Variants in ZC3H6 observed in about 807,000 individuals in gnomAD.
ZC3H6 encodes zinc finger CCCH-type containing 6, also known as zinc finger CCCH domain-containing protein 6.
ZC3H6 carries 40 observed loss-of-function variants against 107.7 expected under a neutral mutation model. The observed-to-expected ratio is 0.37, with a 90% CI of 0.29 to 0.48. The LOEUF (loss-of-function observed/expected upper bound fraction) is 0.48. Among genes scored for constraint, ZC3H6 ranks in the 20% least tolerant of loss-of-function variants. ZC3H6 has a pLI of 0.98. For synonymous variants in ZC3H6, 493 were observed against 487.9 expected, an observed-to-expected ratio of 1.01 and a Z score of -0.14; for missense variants, 1,267 against 1,410.4, an observed-to-expected ratio of 0.90 and a Z score of 1.63.
In ZC3H6 at chr2:112,310,106, G is replaced by T. The variant is rs1427270255; in HGVS notation, c.558G>T (p.Gly186=). 1 of 1,613,334 alleles carries T rather than the reference G, an allele frequency of 6.2e-7. No individual in the cohort carries two copies. The highest frequency in any genetic ancestry group is 8.5e-7 in the Non-Finnish European group (1 of 1,179,614). ...QAKETSNIAL[G]SSFSKESGKK... Reference sequence around the variant, plus strand: ...AAGAAACCTCAAATATTGCTTTAGGGTCATCATTTTCTAAAGAATCAGGAA... The same window carrying T: ...AAGAAACCTCAAATATTGCTTTAGGTTCATCATTTTCTAAAGAATCAGGAA... The change falls in exon 4 of 12, where the codon GGG becomes GGT. Residue 186 remains glycine (G), a synonymous_variant. Transcript: ENST00000409871.
chr2:112,308,817 G>A (rs1449756869), intron 3 of ZC3H6, among the ~76,000 whole-genome samples: 2 of 151,236 alleles, frequency 1.3e-5, no homozygotes, highest in Non-Finnish European at 3.0e-5. Flanking sequence ...ACTTTGGGAG[G>A]CTGAGGCAGG....
rs948566636 is a variant in ZC3H6 at position 112,324,782 on chromosome 2, A to G, written c.1852+119A>G. Reference sequence around the variant, plus strand: ...GCTGAGTAAAATTGATAAGATTGAAACCTTAAAATGTTTTCAGTTTGCCAA... The same window carrying G: ...GCTGAGTAAAATTGATAAGATTGAAGCCTTAAAATGTTTTCAGTTTGCCAA... On this transcript the variant is annotated intron_variant, in intron 10 of 11. Transcript: ENST00000409871. 1.4e-5 allele frequency: 17 copies of G among 1,208,860 alleles called. No homozygotes were observed. In the African/African-American group the frequency reaches 2.5e-4, roughly 18 times the overall value. The allele number at this position is 1,208,860 out of a possible 1,614,324, so 74.9% of individuals were successfully genotyped here.
At chr2:112,301,409 A>G (rs1676369337) in intron 2 of ZC3H6, among the ~76,000 whole-genome samples, 1 of 152,212 alleles carries the variant, frequency 6.6e-6, no homozygotes, top group Admixed American at 6.5e-5. Context: ...CAAATGGGGG[A>G]AGGAAGCAGA....
chr2:112,317,516 T>C (rs1676721862), intron 7 of ZC3H6, among the ~76,000 whole-genome samples, 184 bp downstream of exon 7: 1 of 152,190 alleles, frequency 6.6e-6, no homozygotes, highest in Non-Finnish European at 1.5e-5. Flanking sequence ...CTTTATTCTT[T>C]AGGGAAATGA....
At chr2:112,326,069 T>C (rs1320099313) in intron 11 of ZC3H6, among the ~76,000 whole-genome samples, 1 of 152,008 alleles carries the variant, frequency 6.6e-6, no homozygotes, top group Non-Finnish European at 1.5e-5. Flanking sequence ...TTATAATTTT[T>C]AAATTATTTT....
chr2:112,299,817 GAT>G, intron 1 of ZC3H6, 30 bp from the exon 2 acceptor site: 1 of 1,325,590 alleles, frequency 7.5e-7, no homozygotes, highest in African/African-American at 1.5e-5. Flanking sequence ...GTTTTAGAAT[GAT>G]ATTTGAAAAT....
intron 11 of ZC3H6, among the ~76,000 whole-genome samples, chr2:112,327,342 A>G (rs1024249102): frequency 1.3e-5 from 2 of 152,102 alleles, no homozygotes; most frequent in African/African-American, 4.8e-5. Flanking sequence ...GTCTATTCAG[A>G]TATTTCGCCC....
At position 112,321,785 on chromosome 2, in the gene ZC3H6, G is replaced by A; in HGVS notation, c.1006G>A (p.Gly336Arg). 1 of 1,541,096 alleles carries A rather than the reference G, an allele frequency of 6.5e-7. No individual in the cohort carries two copies. The highest frequency in any genetic ancestry group is 8.8e-7 in the Non-Finnish European group (1 of 1,142,280). The change falls in exon 8 of 12, where the codon GGA becomes AGA. Residue 336 changes from glycine (G) to arginine (R), a missense_variant. By Grantham distance (125) the Gly-to-Arg change is moderately radical (BLOSUM62 -2). This residue lies in a region of ZC3H6 where 925 missense variants were observed against 1,025.7 expected (regional missense o/e 0.90). Coordinates refer to ENST00000409871, the MANE Select transcript of ZC3H6 (RefSeq NM_198581.3). The part of the protein sequence containing the change: ...NEFPCKFYHS[G>R]AKCYQGDNCK... Reference sequence around the variant, plus strand: ...ATTTCCATGCAAGTTCTATCATAGTGGAGCAAAATGTTACCAGGGAGACAA... The same window carrying A: ...ATTTCCATGCAAGTTCTATCATAGTAGAGCAAAATGTTACCAGGGAGACAA...
At chr2:112,283,867 G>A (rs1041610094) in intron 1 of ZC3H6, among the ~76,000 whole-genome samples, 26 of 152,138 alleles carry the variant, frequency 1.7e-4, no homozygotes, top group African/African-American at 5.6e-4. Flanking sequence ...TTTCATCTTA[G>A]TTAAAAATTC....
chr2:112,278,862 C>T (rs1573942536), intron 1 of ZC3H6, among the ~76,000 whole-genome samples: 1 of 152,184 alleles, frequency 6.6e-6, no homozygotes, highest in Admixed American at 6.5e-5. Context: ...CTCCAGCCAT[C>T]CTCCCATTTC....
chr2:112,317,363 A>C, intron 7 of ZC3H6, 31 bp downstream of exon 7: 1 of 1,216,602 alleles, frequency 8.2e-7, no homozygotes. Flanking sequence ...ATGTTAAATA[A>C]AATGCTGGGG....
In ZC3H6 at chr2:112,325,133, G is replaced by C. The variant is rs778928954; in HGVS notation, c.2022G>C (p.Gln674His). The change falls in exon 11 of 12, where the codon CAG becomes CAC. Residue 674 changes from glutamine (Q) to histidine (H), a missense_variant. Physicochemically the swap from Gln to His is conservative, Grantham distance 24. This residue lies in a region of ZC3H6 where 925 missense variants were observed against 1,025.7 expected (regional missense o/e 0.90). Transcript: ENST00000409871. Reference sequence around the variant, plus strand: ...GAGCTCTTTTTGTAAGACTTACTCAGAGATACCAAGAAGATGAAGAACAAA... The same window carrying C: ...GAGCTCTTTTTGTAAGACTTACTCACAGATACCAAGAAGATGAAGAACAAA... ...VQRALFVRLT[Q>H]RYQEDEEQTS... is the part of the protein sequence containing the mutation. The C allele has an allele frequency of 1.2e-6, 2 of 1,614,010 alleles. No individual in the cohort carries two copies. The highest frequency in any genetic ancestry group is 2.2e-5 in the South Asian group (2 of 91,078).
At position 112,275,956 on chromosome 2, in the gene ZC3H6, C is replaced by A; in HGVS notation, c.-39C>A. ...CCGCGCCCCGCCGCCGCCGGCCTCG[C>A]AGACCTGCCCTCCAGCCCCGCCCCG... On this transcript the variant is annotated 5_prime_UTR_variant, in exon 1 of 12. Transcript: ENST00000409871. 6.6e-7 allele frequency: 1 copy of A among 1,515,806 alleles called. No homozygotes were observed. Among genetic ancestry groups the A allele is most frequent in the Non-Finnish European group, 8.8e-7 (1 of 1,131,438 alleles). 93.9% of individuals were successfully genotyped at this position (1,515,806 alleles called of 1,614,324 possible). A position where few individuals can be genotyped will look rare whatever the true frequency, so the allele number is the denominator to read the frequency against.
chr2:112,299,767 C>A, intron 1 of ZC3H6, 82 bp from the exon 2 acceptor site: 3 of 1,087,318 alleles, frequency 2.8e-6, no homozygotes, highest in South Asian at 3.1e-5. Context: ...AAATCCTTGG[C>A]ATATGCTTTT....
At chr2:112,280,170 A>G (rs569688926) in intron 1 of ZC3H6, among the ~76,000 whole-genome samples, 7 of 152,334 alleles carry the variant, frequency 4.6e-5, no homozygotes, top group South Asian at 2.1e-4. Flanking sequence ...GCCTTTTCTC[A>G]GATTAGAGTA....
At chr2:112,288,666 GC>G (rs1458954184) in intron 1 of ZC3H6, among the ~76,000 whole-genome samples, 2 of 152,220 alleles carry the variant, frequency 1.3e-5, no homozygotes, top group African/African-American at 2.4e-5. Context: ...GTTTTAACAT[GC>G]CACTTAAGTT....
rs199940466 is a variant in ZC3H6 at position 112,324,681 on chromosome 2, A to C, written c.1852+18A>C. ...CTCTGGTGGTAAGTTTACTTTTTTG[A>C]AATAATTTATTCCTAATTTAAAATA... On this transcript the variant is annotated intron_variant, in intron 10 of 11. Transcript: ENST00000409871. 1.5e-5 allele frequency: 23 copies of C among 1,539,624 alleles called. No homozygotes were observed. Among genetic ancestry groups the C allele is most frequent in the Admixed American group, 4.1e-5 (2 of 49,244 alleles).
chr2:112,299,073 T>G (rs1047058432), intron 1 of ZC3H6, among the ~76,000 whole-genome samples: 9 of 151,962 alleles, frequency 5.9e-5, no homozygotes, highest in Non-Finnish European at 1.0e-4. Flanking sequence ...GTCAGGAGAT[T>G]GAGACCATCC....
rs1157074357 is a variant in ZC3H6, at chr2:112,334,276, T to C, written c.*1788T>C. ...AAAAACATATATATATATCCCAAGGTGTAATTTACTCTTTTGTCAGGATAA... is the reference window on the plus strand; with the variant it reads ...AAAAACATATATATATATCCCAAGGCGTAATTTACTCTTTTGTCAGGATAA... On this transcript the variant is annotated 3_prime_UTR_variant, in exon 12 of 12. Transcript: ENST00000409871. 6.6e-6 allele frequency: 1 copy of C among 152,084 alleles called. No individual in the cohort carries two copies. Among genetic ancestry groups the C allele is most frequent in the Admixed American group, 6.6e-5 (1 of 15,262 alleles). 9.4% of individuals were successfully genotyped at this position (152,084 alleles called of 1,614,324 possible). A position where few individuals can be genotyped will look rare whatever the true frequency, so the allele number is the denominator to read the frequency against.
Sources: gnomAD v4.1 joint callset for allele counts (sites outside exome capture counted in the v4.1 genomes callset) on GRCh38, gnomAD v4.1.1 for gene constraint, gnomAD v4.1.1 regional missense constraint, MANE v1.5 for transcripts, NCBI Gene and HGNC (gene_info 2026-07-23, HGNC 2026-07-21) for gene names.